Variants in LRGUK observed in about 807,000 individuals in gnomAD.
The protein encoded by LRGUK is leucine-rich repeat and guanylate kinase domain-containing protein.
In LRGUK, 65 loss-of-function variants were observed where a neutral mutation model predicts 76.0. The ratio of observed to expected loss-of-function variants is 0.85; its 90% CI spans 0.70 to 1.05. The LOEUF is 1.05. Among genes scored for constraint, LRGUK ranks in the 50% least tolerant of loss-of-function variants. The pLI, the probability that LRGUK is intolerant of heterozygous loss-of-function variation, is 0.00. For missense variants in LRGUK, 758 were observed against 732.8 expected, an observed-to-expected ratio of 1.03 and a Z score of -0.40; for synonymous variants, 268 against 265.6, an observed-to-expected ratio of 1.01 and a Z score of -0.09.
the LRGUK span, among the ~76,000 whole-genome samples, chr7:134,273,664 C>T: frequency 6.6e-6 from 1 of 151,998 alleles, no homozygotes; most frequent in Non-Finnish European, 1.5e-5. Flanking sequence ...TATTAACATA[C>T]CCTCATTAGC....
intron 14 of LRGUK, 109 bp from the exon 15 acceptor site, chr7:134,201,372 T>C: frequency 1.2e-6 from 1 of 805,588 alleles, no homozygotes; most frequent in East Asian, 2.7e-5. Flanking sequence ...CTGCCTACCA[T>C]AATATATATA....
chr7:134,201,484 A>T lies in LRGUK; in HGVS notation c.1751A>T (p.Asp584Val), dbSNP rs35605917. 647 of 1,613,112 alleles carry T rather than the reference A, an allele frequency of 4.0e-4. 3 individuals carry two copies. The African/African-American group carries it at 6.9e-3, about 17-fold the overall frequency. Residue 584 changes from aspartate (D) to valine (V), a missense_variant, in exon 15 of 16, where the codon GAT becomes GTT. Asp to Val is a radical substitution (Grantham distance 152, BLOSUM62 -3). Coordinates refer to ENST00000645682, the Ensembl canonical transcript of LRGUK. Reference sequence around the variant, plus strand: ...AAATGTACTCTCTTTGCTGCAGATGATCTGGATGTTGCCTACCAAAAACTG... The same window carrying T: ...AAATGTACTCTCTTTGCTGCAGATGTTCTGGATGTTGCCTACCAAAAACTG...
intron 16 of LRGUK, among the ~76,000 whole-genome samples, chr7:134,228,988 T>G (rs952420428): frequency 3.3e-5 from 5 of 152,210 alleles, no homozygotes; most frequent in African/African-American, 1.2e-4. Flanking sequence ...AAATAGTTAA[T>G]AAATGCATTT....
intron 5 of LRGUK, among the ~76,000 whole-genome samples, chr7:134,150,685 C>A (rs895361676): frequency 3.9e-5 from 6 of 152,130 alleles, no homozygotes; most frequent in African/African-American, 1.4e-4. Context: ...GAAAACAACT[C>A]CACAGTATTT....
At chr7:134,221,750 T>C in intron 15 of LRGUK, 29 bp from the exon 16 acceptor site, 1 of 1,458,124 alleles carries the variant, frequency 6.9e-7, no homozygotes, top group Middle Eastern at 1.8e-4. Context: ...ATGACTTTTA[T>C]TTTAAACTTT....
chr7:134,184,271 T>A (rs1159369516), intron 11 of LRGUK, among the ~76,000 whole-genome samples: 1 of 151,882 alleles, frequency 6.6e-6, no homozygotes, highest in Admixed American at 6.6e-5. Context: ...TTTTTCTTTT[T>A]TTTCTTTTTT....
intron 15 of LRGUK, among the ~76,000 whole-genome samples, chr7:134,204,111 TAACTGA>T (rs1190263202): frequency 7.1e-6 from 1 of 140,832 alleles, no homozygotes; most frequent in African/African-American, 2.9e-5. Flanking sequence ...CAGCTCTGAG[TAACTGA>T]GAACAGTGTG....
intron 15 of LRGUK, among the ~76,000 whole-genome samples, chr7:134,220,531 C>A (rs1801562590): frequency 6.6e-6 from 1 of 152,006 alleles, no homozygotes; most frequent in South Asian, 2.1e-4. Context: ...TTTCCAGATA[C>A]CCCTTTTCCA....
intron 16 of LRGUK, among the ~76,000 whole-genome samples, chr7:134,224,564 G>C (rs186019932): frequency 6.6e-6 from 1 of 152,054 alleles, no homozygotes; most frequent in Admixed American, 6.5e-5. Context: ...GTGGGAGGAG[G>C]GAGAGGATCA....
downstream of LRGUK, among the ~76,000 whole-genome samples, chr7:134,210,990 C>T (rs1801242673): frequency 6.6e-6 from 1 of 152,222 alleles, no homozygotes; most frequent in African/African-American, 2.4e-5. Flanking sequence ...GCCACCAGCT[C>T]ATTAAGGTCT....
chr7:134,180,414 A>G (rs983181671), intron 10 of LRGUK, among the ~76,000 whole-genome samples: 1 of 152,100 alleles, frequency 6.6e-6, no homozygotes, highest in African/African-American at 2.4e-5. Context: ...GTGTCTATCT[A>G]TAGATAGATG....
At chr7:134,205,542 T>TA (rs1800968263) in intron 15 of LRGUK, among the ~76,000 whole-genome samples, 2 of 152,136 alleles carry the variant, frequency 1.3e-5, no homozygotes, top group South Asian at 4.2e-4. Flanking sequence ...CCTCTAGAAA[T>TA]AAAAAACAAT....
At chr7:134,155,320 A>G (rs1204871100) in intron 5 of LRGUK, among the ~76,000 whole-genome samples, 2 of 152,192 alleles carry the variant, frequency 1.3e-5, no homozygotes, top group East Asian at 1.9e-4. Flanking sequence ...CAGAACAATT[A>G]TTTAAGCAGC....
intron 7 of LRGUK, among the ~76,000 whole-genome samples, chr7:134,164,785 T>C (rs758598094): frequency 2.6e-5 from 4 of 152,256 alleles, no homozygotes; most frequent in South Asian, 2.1e-4. Context: ...TCTGTTAGGT[T>C]GCTAAGAATC....
At chr7:134,185,654 G>T (rs901856849) in intron 11 of LRGUK, among the ~76,000 whole-genome samples, 3 of 151,990 alleles carry the variant, frequency 2.0e-5, no homozygotes, top group Admixed American at 1.3e-4. Flanking sequence ...TAGATTAGTG[G>T]TGCCTGTCAG....
At chr7:134,211,334 A>G (rs910019872), downstream of LRGUK, among the ~76,000 whole-genome samples, 2 of 152,258 alleles carry the variant, frequency 1.3e-5, no homozygotes, top group Non-Finnish European at 2.9e-5. Context: ...AAGCAGGGCC[A>G]TATTGCCATT....
intron 16 of LRGUK, among the ~76,000 whole-genome samples, chr7:134,238,991 C>T (rs1802073338): frequency 6.6e-6 from 1 of 152,178 alleles, no homozygotes. Flanking sequence ...CCACTCCCAT[C>T]ACCTTCTCTG....
intron 5 of LRGUK, among the ~76,000 whole-genome samples, chr7:134,153,415 T>C (rs1798315861): frequency 6.6e-6 from 1 of 152,176 alleles, no homozygotes; most frequent in African/African-American, 2.4e-5. Flanking sequence ...TTTATGTAAA[T>C]ATACTTATTC....
rs569960450 is a variant in LRGUK, at chr7:134,228,010, T to C, written c.1983+6092T>C. 3.9e-5 allele frequency among the ~76,000 whole-genome samples: 6 copies of C among 152,288 alleles called. No individual in the cohort carries two copies. In the South Asian group the frequency reaches 1.2e-3, roughly 32 times the overall value. On this transcript the variant is annotated intron_variant, in intron 16 of 19. Coordinates refer to the LRGUK transcript ENST00000285928. The stretch of plus-strand genomic sequence containing the variant: ...GGTCCTGATAAAAGTCATCAAGCCA[T>C]AGATTAAATAAATCTTGAAAACCCA...
Sources: gnomAD v4.1 joint callset for allele counts (sites outside exome capture counted in the v4.1 genomes callset) on GRCh38, gnomAD v4.1.1 for gene constraint, MANE v1.5 for transcripts, NCBI Gene and HGNC (gene_info 2026-07-23, HGNC 2026-07-21) for gene names.